DOCK7: variants seen among roughly 807,000 people sequenced by gnomAD.
DOCK7 encodes the protein dedicator of cytokinesis protein 7.
A neutral mutation model predicts 271.0 loss-of-function variants in DOCK7; 138 were observed. The ratio of observed to expected loss-of-function variants is 0.51; its 90% CI spans 0.44 to 0.59. DOCK7 has a LOEUF of 0.59. Ranked by LOEUF, DOCK7 falls within the 20% of genes least tolerant of loss-of-function variation. The pLI is 0.00. For synonymous variants in DOCK7, 823 were observed against 876.1 expected (o/e 0.94, Z 1.07); for missense variants, 2,066 against 2,592.4 (o/e 0.80, Z 4.41).
chr1:62,681,152 T>G (rs1044860772), intron 1 of DOCK7, among the ~76,000 whole-genome samples: 8 of 151,920 alleles, frequency 5.3e-5, no homozygotes, highest in African/African-American at 1.9e-4. Context: ...CCATCAATGA[T>G]AGACTGGATG....
chr1:62,553,163 T>C lies in DOCK7; in HGVS notation c.2597-262A>G, dbSNP rs1485791281. 2.7e-5 allele frequency among the ~76,000 whole-genome samples: 4 copies of C among 147,504 alleles called. No homozygotes were observed. The East Asian group carries it at 7.9e-4, about 29-fold the overall frequency. On this transcript the variant is annotated intron_variant, in intron 21 of 49. Coordinates refer to ENST00000635253, the MANE Select transcript of DOCK7 (RefSeq NM_001367561.1). ...AATTCTCCTGCCTCAGCCTCCCGAGTAGCTGGGACTACAGGTGCGTGCCAC... is the reference window on the plus strand; with the variant it reads ...AATTCTCCTGCCTCAGCCTCCCGAGCAGCTGGGACTACAGGTGCGTGCCAC...
chr1:62,475,076 G>T, intron 47 of DOCK7, 132 bp downstream of exon 47: 3 of 981,788 alleles, frequency 3.1e-6, no homozygotes, highest in South Asian at 2.3e-5. Context: ...TTATAAGATC[G>T]CATAGGTAGA....
intron 16 of DOCK7, among the ~76,000 whole-genome samples, chr1:62,582,394 C>G (rs1006789259): frequency 1.4e-4 from 21 of 149,436 alleles, no homozygotes; most frequent in Admixed American, 1.4e-3. Context: ...ACTAAAAATA[C>G]AAAAAATTAG....
At position 62,542,647 on chromosome 1, in the gene DOCK7, T is replaced by A. The variant is rs774275274; in HGVS notation, c.3006A>T (p.Glu1002Asp). The part of the protein sequence containing the change: ...QWVVCSGSVR[E>D]SALQQAWFFF... ...AGAACCAGGCTTGTTGCAAAGCTGA[T>A]TCCCGAACGCTGCCACTGCAAACAA... Residue 1002 changes from glutamate to aspartate, a missense_variant, in exon 25 of 50, where the codon GAA (glutamate) becomes GAT (aspartate). By Grantham distance (45) the Glu-to-Asp change is conservative (BLOSUM62 2). Coordinates refer to ENST00000635253, the MANE Select transcript of DOCK7 (RefSeq NM_001367561.1). 2.5e-5 allele frequency: 41 copies of A among 1,613,214 alleles called. 1 individual carries two copies. The South Asian group carries it at 4.2e-4, about 16-fold the overall frequency.
Position 62,577,318 on chromosome 1 carries a change from A to G in DOCK7, c.2056T>C (p.Cys686Arg). Reference sequence around the variant, plus strand: ...GGTTTTTCCAATGAGACTGGCAAGCAAAACTGGCCAGTCTTCAACCGTCCA... The same window carrying G: ...GGTTTTTCCAATGAGACTGGCAAGCGAAACTGGCCAGTCTTCAACCGTCCA... The part of the protein sequence containing the change: ...QNGRLKTGQF[C>R]LPVSLEKPPQ... The change falls in exon 18 of 50, where the codon TGC (cysteine) becomes CGC (arginine). Residue 686 changes from cysteine (C) to arginine (R), a missense_variant. Transcript: ENST00000635253. The G allele has an allele frequency of 6.3e-7, 1 of 1,592,342 alleles. No individual in the cohort carries two copies. Among genetic ancestry groups the G allele is most frequent in the Non-Finnish European group, 8.6e-7 (1 of 1,166,938 alleles).
chr1:62,684,137 G>C (rs1035702689), intron 1 of DOCK7, among the ~76,000 whole-genome samples: 1 of 151,584 alleles, frequency 6.6e-6, no homozygotes, highest in Admixed American at 6.6e-5. Flanking sequence ...TGAACCCGGG[G>C]CAGTGGGGTG....
At chr1:62,640,516 G>T (rs936229733) in intron 7 of DOCK7, among the ~76,000 whole-genome samples, 1 of 151,758 alleles carries the variant, frequency 6.6e-6, no homozygotes, top group Non-Finnish European at 1.5e-5. Context: ...GCAAGACCCC[G>T]TCTCAAAAAA....
At chr1:62,480,273 C>T (rs1468207487) in intron 43 of DOCK7, among the ~76,000 whole-genome samples, 4 of 152,146 alleles carry the variant, frequency 2.6e-5, no homozygotes, top group African/African-American at 7.2e-5. Context: ...AATCTGAACA[C>T]TGAATTTTAT....
At chr1:62,547,955 A>C (rs547995281) in intron 22 of DOCK7, among the ~76,000 whole-genome samples, 2 of 152,288 alleles carry the variant, frequency 1.3e-5, no homozygotes, top group South Asian at 4.1e-4. Flanking sequence ...ATTAATCCCA[A>C]TAGTAAGAGG....
chr1:62,501,410 AAAAC>A (rs1479791370), intron 37 of DOCK7, among the ~76,000 whole-genome samples: 2 of 152,226 alleles, frequency 1.3e-5, no homozygotes, highest in Non-Finnish European at 2.9e-5. Flanking sequence ...CAGTAGACAT[AAAAC>A]AAATAATATT....
intron 34 of DOCK7, among the ~76,000 whole-genome samples, chr1:62,509,312 CA>C (rs71045845): frequency 1.2e-4 from 14 of 112,766 alleles, no homozygotes; most frequent in African/African-American, 3.0e-4. Flanking sequence ...GATCTTGTCT[CA>C]AAAAAAAAAA....
intron 14 of DOCK7, among the ~76,000 whole-genome samples, chr1:62,601,398 T>C (rs908909970): frequency 1.3e-5 from 2 of 151,654 alleles, no homozygotes; most frequent in African/African-American, 4.8e-5. Context: ...GACTTGATTA[T>C]TAGATAATAT....
intron 29 of DOCK7, among the ~76,000 whole-genome samples, chr1:62,531,683 C>T (rs954399810): frequency 5.9e-5 from 9 of 152,136 alleles, no homozygotes; most frequent in African/African-American, 1.7e-4. Context: ...TTCTTGATTA[C>T]GTAGCAAGCA....
chr1:62,472,909 T>G (rs1645870789), intron 48 of DOCK7, among the ~76,000 whole-genome samples: 1 of 152,198 alleles, frequency 6.6e-6, no homozygotes, highest in African/African-American at 2.4e-5. Context: ...ACACCTGCTG[T>G]CACAACTCAT....
intron 18 of DOCK7, among the ~76,000 whole-genome samples, chr1:62,568,313 T>C (rs1336202522): frequency 2.0e-5 from 3 of 151,950 alleles, no homozygotes; most frequent in Non-Finnish European, 4.4e-5. Flanking sequence ...AGATTTTTTT[T>C]TTTTTTTGAG....
At chr1:62,487,111 A>G (rs994918479) in intron 43 of DOCK7, 1 of 264,416 alleles carries the variant, frequency 3.8e-6, no homozygotes, top group Non-Finnish European at 7.2e-6. Context: ...TGTTGATGAG[A>G]GAAATGCTTC....
intron 2 of DOCK7, among the ~76,000 whole-genome samples, chr1:62,659,721 G>A (rs948973191): frequency 6.6e-6 from 1 of 152,030 alleles, no homozygotes; most frequent in Non-Finnish European, 1.5e-5. Context: ...AGATATACCA[G>A]GCGACAATTA....
chr1:62,598,121 AT>A (rs1182146389), intron 14 of DOCK7: 17 of 1,456,754 alleles, frequency 1.2e-5, no homozygotes, highest in Middle Eastern at 2.4e-4. Flanking sequence ...TTTAAAAAAA[AT>A]ATTTCTAAGG....
chr1:62,481,856 G>T (rs1036428758), intron 43 of DOCK7: 11 of 152,198 alleles, frequency 7.2e-5, no homozygotes, highest in African/African-American at 2.7e-4. Flanking sequence ...TTTCCACAGT[G>T]ACATCATTTC....
Sources: allele counts gnomAD v4.1 joint callset (sites outside exome capture counted in the v4.1 genomes callset), GRCh38; gene constraint gnomAD v4.1.1; transcripts MANE v1.5; gene names NCBI Gene and HGNC (gene_info 2026-07-23, HGNC 2026-07-21).